SEM1: variants seen among roughly 807,000 people sequenced by gnomAD.
SEM1 encodes the protein SEM1 26S proteasome subunit.
SEM1 carries 3 observed loss-of-function variants against 12.7 expected under a neutral mutation model. The ratio of observed to expected loss-of-function variants is 0.24; its 90% CI spans 0.11 to 0.61. The LOEUF is 0.61. Among genes scored for constraint, SEM1 ranks in the 20% least tolerant of loss-of-function variants. The probability of loss-of-function intolerance (pLI) is 0.88; values close to 1 mark genes in which losing one functional copy is unlikely to be tolerated. For synonymous variants in SEM1, 30 were observed against 27.8 expected, an observed-to-expected ratio of 1.08 and a Z score of -0.25; for missense variants, 59 against 81.3, an observed-to-expected ratio of 0.73 and a Z score of 1.06.
At chr7:96,616,246 T>C (rs1049321328) in intron 2 of SEM1, among the ~76,000 whole-genome samples, 2 of 152,218 alleles carry the variant, frequency 1.3e-5, no homozygotes, top group Non-Finnish European at 2.9e-5. Flanking sequence ...CTAACTGGTG[T>C]TTGATGGTAT....
chr7:96,555,980 A>C (rs995384314), intron 2 of SEM1, among the ~76,000 whole-genome samples: 22 of 121,656 alleles, frequency 1.8e-4, no homozygotes, highest in Non-Finnish European at 2.4e-4. Context: ...TTGCTGGTTT[A>C]AAGTCTGTTT....
At chr7:96,633,772 G>A (rs1225791635) in intron 2 of SEM1, among the ~76,000 whole-genome samples, 1 of 152,028 alleles carries the variant, frequency 6.6e-6, no homozygotes, top group African/African-American at 2.4e-5. Context: ...TATTGTTATG[G>A]TAGTTCTACT....
At chr7:96,528,780 T>C (rs1804547641) in intron 2 of SEM1, among the ~76,000 whole-genome samples, 1 of 152,144 alleles carries the variant, frequency 6.6e-6, no homozygotes, top group Non-Finnish European at 1.5e-5. Flanking sequence ...CTCCATGTGA[T>C]GCACATACAT....
intron 1 of SEM1, chr7:96,697,182 A>C (rs565710005): frequency 2.6e-5 from 4 of 152,066 alleles, no homozygotes; most frequent in South Asian, 2.1e-4. Context: ...AAAAAAAAAA[A>C]AAAACCCTAC....
At chr7:96,520,809 G>T (rs561080334) in intron 2 of SEM1, among the ~76,000 whole-genome samples, 1 of 152,194 alleles carries the variant, frequency 6.6e-6, no homozygotes, top group South Asian at 2.1e-4. Flanking sequence ...AGGCTAGTAG[G>T]CTGGCCTCCC....
At chr7:96,506,225 C>T (rs1196979808) in intron 3 of SEM1, among the ~76,000 whole-genome samples, 2 of 152,056 alleles carry the variant, frequency 1.3e-5, no homozygotes, top group Non-Finnish European at 2.9e-5. Flanking sequence ...GAATCAGCCA[C>T]TTCTCCGAAG....
intron 2 of SEM1, among the ~76,000 whole-genome samples, chr7:96,548,103 C>T (rs537357923): frequency 6.6e-5 from 10 of 152,086 alleles, no homozygotes; most frequent in African/African-American, 2.4e-4. Context: ...CAGCAAATGC[C>T]AGTATATGAA....
At position 96,640,542 on chromosome 7, in the gene SEM1, A is replaced by AAAACTTTAG. The variant is rs1375162475; in HGVS notation, c.171-17908_171-17900dup. Among the ~76,000 whole-genome samples the AAAACTTTAG allele has an allele frequency of 1.3e-5, 2 of 152,044 alleles. No individual in the cohort carries two copies. Among genetic ancestry groups the AAAACTTTAG allele is most frequent in the African/African-American group, 2.4e-5 (1 of 41,432 alleles). On this transcript the variant is annotated intron_variant, in intron 2 of 2. Transcript: ENST00000417009. This position sits in a 1 kb window ranked among gnomAD's most constrained non-coding sequence, Gnocchi z 4.0. ...AAAAGCCAAAGCTATGGAGACAGTGAAAACTTTAGTGGTTGGCAGGGGGTA... is the reference window on the plus strand; with the variant it reads ...AAAAGCCAAAGCTATGGAGACAGTGAAAACTTTAGAAACTTTAGTGGTTGGCAGGGGGTA...
rs368291201 is a variant in SEM1, at chr7:96,637,471, GTTT to G, written c.171-14831_171-14829del. Among the ~76,000 whole-genome samples, 646 of 152,060 alleles carry G rather than the reference GTTT, an allele frequency of 4.2e-3. 4 individuals are homozygous for G. The highest frequency in any genetic ancestry group is 0.014 in the African/African-American group (601 of 41,522). ...ACTTACAACTCTCATTATATAAATT[GTTT>G]TCCCTTGAGATGCTTCTCATTGCTA... On this transcript the variant is annotated intron_variant, in intron 2 of 2. Coordinates refer to the SEM1 transcript ENST00000417009.
chr7:96,620,143 A>C (rs1170837314), downstream of SEM1, among the ~76,000 whole-genome samples: 1 of 151,954 alleles, frequency 6.6e-6, no homozygotes, highest in East Asian at 1.9e-4. Context: ...GCAGGACACA[A>C]CCCAGCATTA....
chr7:96,514,409 T>C (rs1804026925), intron 2 of SEM1, among the ~76,000 whole-genome samples: 1 of 152,156 alleles, frequency 6.6e-6, no homozygotes, highest in Non-Finnish European at 1.5e-5. Flanking sequence ...TACTGGAAGT[T>C]CTAGATAATG....
At chr7:96,503,543 A>G (rs916002160) in intron 3 of SEM1, 2 of 152,114 alleles carry the variant, frequency 1.3e-5, no homozygotes, top group Non-Finnish European at 1.5e-5. Flanking sequence ...TGAGACGAAT[A>G]AATCATTGAG....
Position 96,543,520 on chromosome 7 carries a change from T to G in SEM1, c.171-36822A>C, listed in dbSNP as rs141562373. ...AAATGTCTATAAAATAAATATATAT[T>G]TTTTAACAATAAATCTTTAAGTGCA... is the stretch of plus-strand genomic sequence containing the variant. On this transcript the variant is annotated intron_variant and NMD_transcript_variant, in intron 2 of 3. Coordinates refer to the SEM1 transcript ENST00000466986. Among the ~76,000 whole-genome samples the G allele has an allele frequency of 3.4e-3, 518 of 152,054 alleles. 1 individual carries two copies. The highest frequency in any genetic ancestry group is 0.012 in the African/African-American group (492 of 41,520).
chr7:96,605,187 C>G (rs1036427967), intron 2 of SEM1, among the ~76,000 whole-genome samples: 1 of 152,120 alleles, frequency 6.6e-6, no homozygotes, highest in African/African-American at 2.4e-5. Context: ...ATTTAAAAGA[C>G]AATTAACCTA....
intron 1 of SEM1, among the ~76,000 whole-genome samples, chr7:96,489,512 A>C (rs1046948498): frequency 6.6e-6 from 1 of 152,212 alleles, no homozygotes; most frequent in South Asian, 2.1e-4. Flanking sequence ...CTTTCATGAA[A>C]ATACTGATGC....
chr7:96,492,595 T>G (rs939446183), intron 1 of SEM1, among the ~76,000 whole-genome samples: 1 of 141,084 alleles, frequency 7.1e-6, no homozygotes, highest in Non-Finnish European at 1.5e-5. Context: ...ATTTTTTTTT[T>G]TTTTTTTTTT....
At chr7:96,653,660 T>C (rs1189649481) in intron 2 of SEM1, 1 of 152,230 alleles carries the variant, frequency 6.6e-6, no homozygotes, top group Non-Finnish European at 1.5e-5. Flanking sequence ...ATGCTAAGAA[T>C]CAACTTTCTC....
chr7:96,532,023 T>C (rs978812251), intron 2 of SEM1, among the ~76,000 whole-genome samples: 9 of 152,088 alleles, frequency 5.9e-5, no homozygotes, highest in Admixed American at 5.2e-4. Context: ...TGGCCTCTGC[T>C]CAGTCCTCCC....
intron 2 of SEM1, among the ~76,000 whole-genome samples, chr7:96,689,388 G>T (rs531927023): frequency 6.6e-6 from 1 of 152,178 alleles, no homozygotes; most frequent in South Asian, 2.1e-4. Flanking sequence ...ATCATAACAG[G>T]TATTACTATA....
Sources: gnomAD v4.1 joint callset for allele counts (sites outside exome capture counted in the v4.1 genomes callset) on GRCh38, gnomAD v4.1.1 for gene constraint, Gnocchi (gnomAD v3.1) non-coding constraint, MANE v1.5 for transcripts, NCBI Gene and HGNC (gene_info 2026-07-23, HGNC 2026-07-21) for gene names.